The following DENND5A variants were observed in gnomAD, a reference collection of about 807,000 sequenced individuals.
DENND5A encodes DENN domain-containing protein 5A.
DENND5A carries 64 observed loss-of-function variants against 140.3 expected under a neutral mutation model. That is an observed-to-expected ratio of 0.46 (90% confidence interval 0.37 to 0.56). DENND5A has a LOEUF of 0.56. Ranked by LOEUF, DENND5A falls within the 20% of genes least tolerant of loss-of-function variation. The pLI is 0.00. For missense variants in DENND5A, 1,292 were observed against 1,593.8 expected (o/e 0.81, Z 3.22); for synonymous variants, 605 against 607.7 (o/e 1.00, Z 0.07).
chr11:9,185,531 G>A (rs976545423), intron 5 of DENND5A, among the ~76,000 whole-genome samples: 13 of 152,158 alleles, frequency 8.5e-5, no homozygotes, highest in African/African-American at 3.1e-4. Context: ...AGAAAACACT[G>A]CAGGGGCTAG....
chr11:9,246,823 C>T (rs530416157), intron 1 of DENND5A, among the ~76,000 whole-genome samples: 2 of 152,230 alleles, frequency 1.3e-5, no homozygotes, highest in African/African-American at 4.8e-5. Context: ...ACCCATAAAC[C>T]CCACTTCAAG....
intron 22 of DENND5A, among the ~76,000 whole-genome samples, chr11:9,141,110 G>C (rs1018853162): frequency 2.6e-5 from 4 of 151,856 alleles, no homozygotes; most frequent in African/African-American, 9.7e-5. Context: ...TGGGCAACAA[G>C]AGCGAAACTC....
chr11:9,250,817 G>A (rs989357359), intron 1 of DENND5A, among the ~76,000 whole-genome samples: 1 of 152,006 alleles, frequency 6.6e-6, no homozygotes, highest in Admixed American at 6.6e-5. Flanking sequence ...TACATTGTTT[G>A]GCCAACTGGA....
At chr11:9,179,490 G>A (rs1196931566) in intron 6 of DENND5A, among the ~76,000 whole-genome samples, 2 of 148,748 alleles carry the variant, frequency 1.3e-5, no homozygotes, top group African/African-American at 4.9e-5. Flanking sequence ...CCTTCTTTCT[G>A]CAAAAAAACC....
In DENND5A at chr11:9,231,824, C is replaced by CT. The variant is rs943424948; in HGVS notation, c.110-24193dup. On this transcript the variant is annotated intron_variant, in intron 1 of 22. Coordinates refer to ENST00000328194, the MANE Select transcript of DENND5A (RefSeq NM_015213.4). ...ACTTTTATAGTAATAAATTCTCTCT[C>CT]TTTTTTTTTAACAGACTTTCCTAAC... is the stretch of plus-strand genomic sequence containing the variant. Among the ~76,000 whole-genome samples the CT allele has an allele frequency of 3.9e-3, 579 of 149,634 alleles. 6 individuals are homozygous for CT. Among genetic ancestry groups the CT allele is most frequent in the African/African-American group, 0.013 (548 of 40,900 alleles).
At chr11:9,223,385 CA>C (rs1370752519) in intron 1 of DENND5A, among the ~76,000 whole-genome samples, 3 of 151,806 alleles carry the variant, frequency 2.0e-5, no homozygotes, top group African/African-American at 7.3e-5. Flanking sequence ...ACTAAAAATA[CA>C]AAAATTAGCC....
intron 1 of DENND5A, among the ~76,000 whole-genome samples, chr11:9,216,196 C>T (rs1203646676): frequency 6.6e-6 from 1 of 152,202 alleles, no homozygotes; most frequent in African/African-American, 2.4e-5. Flanking sequence ...GTCTCATTTT[C>T]TTCACCTGAA....
intron 6 of DENND5A, among the ~76,000 whole-genome samples, chr11:9,180,299 T>TA (rs1278177086): frequency 6.7e-6 from 1 of 149,694 alleles, no homozygotes; most frequent in African/African-American, 2.4e-5. Context: ...AAAAAAAAAA[T>TA]AATAATAATT....
At chr11:9,235,965 G>C (rs1850982360) in intron 1 of DENND5A, among the ~76,000 whole-genome samples, 1 of 152,172 alleles carries the variant, frequency 6.6e-6, no homozygotes, top group Non-Finnish European at 1.5e-5. Context: ...AACGGGCTAG[G>C]TGCAGTGGCT....
chr11:9,176,213 C>T (rs1848541072), intron 8 of DENND5A, among the ~76,000 whole-genome samples: 1 of 152,194 alleles, frequency 6.6e-6, no homozygotes, highest in South Asian at 2.1e-4. Flanking sequence ...CTAGAAAATG[C>T]AAGACTTTGT....
intron 1 of DENND5A, among the ~76,000 whole-genome samples, chr11:9,220,691 C>T (rs1394483850): frequency 6.6e-6 from 1 of 151,506 alleles, no homozygotes; most frequent in Non-Finnish European, 1.5e-5. Flanking sequence ...TCAGGAGTTC[C>T]AGACCAGCCT....
intron 6 of DENND5A, among the ~76,000 whole-genome samples, chr11:9,179,680 G>C (rs1198120894): frequency 6.6e-6 from 1 of 151,932 alleles, no homozygotes; most frequent in Admixed American, 6.6e-5. Flanking sequence ...TGTATTTTCA[G>C]TAGAGACGGG....
intron 1 of DENND5A, among the ~76,000 whole-genome samples, chr11:9,229,190 CAG>C (rs931410949): frequency 2.0e-5 from 3 of 151,976 alleles, no homozygotes; most frequent in Non-Finnish European, 2.9e-5. Flanking sequence ...AGCTGGTAAC[CAG>C]AGAGTTACAG....
intron 1 of DENND5A, among the ~76,000 whole-genome samples, chr11:9,230,156 G>A (rs763427857): frequency 4.0e-5 from 6 of 148,610 alleles, no homozygotes; most frequent in South Asian, 2.1e-4. Flanking sequence ...TGATCCACCC[G>A]TGTCAGCCTC....
intron 14 of DENND5A, 100 bp from the exon 15 acceptor site, chr11:9,150,309 C>T (rs1483790543): frequency 1.4e-6 from 2 of 1,390,856 alleles, no homozygotes; most frequent in African/African-American, 1.4e-5. Flanking sequence ...CTGAGACAGA[C>T]TTATCTCACC....
intron 21 of DENND5A, among the ~76,000 whole-genome samples, chr11:9,142,320 G>C (rs1847273064): frequency 6.6e-6 from 1 of 152,114 alleles, no homozygotes; most frequent in African/African-American, 2.4e-5. Context: ...TTGATATAAA[G>C]ATGTTCTTTT....
At chr11:9,264,133 T>A (rs1392450927) in intron 1 of DENND5A, among the ~76,000 whole-genome samples, 1 of 152,152 alleles carries the variant, frequency 6.6e-6, no homozygotes, top group Admixed American at 6.6e-5. Context: ...CCAATGACAG[T>A]GCAGTGGAAA....
intron 11 of DENND5A, 104 bp from the exon 12 acceptor site, chr11:9,160,969 A>AG: frequency 8.6e-7 from 1 of 1,160,202 alleles, no homozygotes; most frequent in Non-Finnish European, 1.2e-6. Flanking sequence ...TGGGCTGGGA[A>AG]GGACAGGATG....
intron 1 of DENND5A, among the ~76,000 whole-genome samples, chr11:9,243,111 A>C (rs1038616492): frequency 1.3e-5 from 2 of 148,584 alleles, no homozygotes; most frequent in African/African-American, 5.1e-5. Flanking sequence ...AAAACAAAAA[A>C]AAAAACTGAG....
Sources: gnomAD v4.1 joint callset for allele counts (sites outside exome capture counted in the v4.1 genomes callset) on GRCh38, gnomAD v4.1.1 for gene constraint, MANE v1.5 for transcripts, NCBI Gene and HGNC (gene_info 2026-07-23, HGNC 2026-07-21) for gene names.